ZNF521: variants seen among roughly 807,000 people sequenced by gnomAD.
ZNF521 encodes LYST-interacting protein 3.
In ZNF521, 14 loss-of-function variants were observed where a neutral mutation model predicts 105.5. The observed-to-expected ratio is 0.13, with a 90% CI of 0.09 to 0.21. The LOEUF (loss-of-function observed/expected upper bound fraction) is 0.21. ZNF521 is among the 10% of genes least tolerant of loss of function. The pLI is 1.00. For synonymous variants in ZNF521, 635 were observed against 606.0 expected (o/e 1.05, Z -0.70); for missense variants, 1,233 against 1,629.7 (o/e 0.76, Z 4.19).
intron 5 of ZNF521, among the ~76,000 whole-genome samples, chr18:25,158,112 T>C (rs1033320730): frequency 6.6e-6 from 1 of 152,194 alleles, no homozygotes; most frequent in African/African-American, 2.4e-5. Context: ...CAGTAGTACC[T>C]ATCTCATAGA....
intron 7 of ZNF521, among the ~76,000 whole-genome samples, chr18:25,075,017 G>A (rs2033325838): frequency 6.6e-6 from 1 of 152,116 alleles, no homozygotes; most frequent in African/African-American, 2.4e-5. Context: ...TATTTAACAT[G>A]ATCCTGAAAG....
At position 25,171,511 on chromosome 18, in the gene ZNF521, G is replaced by A. The variant is rs184463081; in HGVS notation, c.3658+23649C>T. ...AAGCCACTGTAAAGATTAGATTAGT[G>A]GTGACAGATTTATAATCTTTTCCAA... On this transcript the variant is annotated intron_variant, in intron 5 of 7. Coordinates refer to ENST00000361524, the MANE Select transcript of ZNF521 (RefSeq NM_015461.3). 3.9e-5 allele frequency among the ~76,000 whole-genome samples: 6 copies of A among 152,222 alleles called. No individual in the cohort carries two copies. The East Asian group carries it at 1.2e-3, about 29-fold the overall frequency.
chr18:25,172,976 TG>T (rs2035474090), intron 5 of ZNF521, among the ~76,000 whole-genome samples: 2 of 152,206 alleles, frequency 1.3e-5, no homozygotes, highest in Admixed American at 1.3e-4. Flanking sequence ...TGAAGTTGCA[TG>T]GTGCTTTTTA....
At position 25,225,429 on chromosome 18, in the gene ZNF521, T is replaced by C. The variant is rs998966290; in HGVS notation, c.2489A>G (p.Glu830Gly). ...CTTGGTTTCGAATACACAGTGTTTT[T>C]CTCGCAAGTGTTTTTCTAACAAAAT... Reference protein sequence around the residue: ...AIILLEKHLREKHCVFETKTP... With the variant: ...AIILLEKHLRGKHCVFETKTP... Residue 830 changes from glutamate to glycine, a missense_variant, in exon 4 of 8, where the codon GAA (glutamate) becomes GGA (glycine). Coordinates refer to ENST00000361524, the MANE Select transcript of ZNF521 (RefSeq NM_015461.3). The surrounding 1 kb of genome is among the most constrained non-coding windows in gnomAD (Gnocchi z 5.6). The C allele has an allele frequency of 6.2e-7, 1 of 1,614,102 alleles. No individual in the cohort carries two copies.
At chr18:25,235,652 G>C (rs1430155484) in intron 3 of ZNF521, among the ~76,000 whole-genome samples, 1 of 152,150 alleles carries the variant, frequency 6.6e-6, no homozygotes, top group Non-Finnish European at 1.5e-5. Context: ...CAGTCACCAG[G>C]AATTATAACA....
At chr18:25,087,254 A>G (rs2033643863) in intron 7 of ZNF521, among the ~76,000 whole-genome samples, 1 of 152,216 alleles carries the variant, frequency 6.6e-6, no homozygotes, top group Non-Finnish European at 1.5e-5. Context: ...CGTAGAAAAG[A>G]GTGAATACTA....
At chr18:25,165,512 G>A (rs1163792086) in intron 5 of ZNF521, among the ~76,000 whole-genome samples, 1 of 152,212 alleles carries the variant, frequency 6.6e-6, no homozygotes, top group East Asian at 1.9e-4. Context: ...CTGTCCCACA[G>A]CTCCTTCTCC....
chr18:25,255,875 A>G (rs1027000974), intron 3 of ZNF521, among the ~76,000 whole-genome samples: 2 of 151,754 alleles, frequency 1.3e-5, no homozygotes, highest in Non-Finnish European at 2.9e-5. Flanking sequence ...AAGAACCAAG[A>G]GGCAGAAGCA....
chr18:25,312,821 A>G (rs1171233491), intron 3 of ZNF521, among the ~76,000 whole-genome samples: 3 of 36,200 alleles, frequency 8.3e-5, no homozygotes, highest in Non-Finnish European at 1.3e-4. Flanking sequence ...CCGTCTCAAA[A>G]AAAAAAAAAA....
chr18:25,147,674 T>G (rs1201160156), intron 5 of ZNF521, among the ~76,000 whole-genome samples: 1 of 152,202 alleles, frequency 6.6e-6, no homozygotes, highest in African/African-American at 2.4e-5. Context: ...AAAAGAGGCC[T>G]ATATTCAGAG....
At chr18:25,215,018 T>C (rs1290000750) in intron 4 of ZNF521, among the ~76,000 whole-genome samples, 1 of 152,038 alleles carries the variant, frequency 6.6e-6, no homozygotes. Flanking sequence ...TTGGAGTTGA[T>C]TAAAGGGCTA....
chr18:25,302,926 C>T (rs909438416), intron 3 of ZNF521: 1 of 152,132 alleles, frequency 6.6e-6, no homozygotes, highest in Non-Finnish European at 1.5e-5. Context: ...AAATGTTACA[C>T]AATAATGTAA....
At chr18:25,220,756 G>A (rs1419854081) in intron 4 of ZNF521, among the ~76,000 whole-genome samples, 1 of 152,152 alleles carries the variant, frequency 6.6e-6, no homozygotes, top group Admixed American at 6.5e-5. Flanking sequence ...AGGGAAACTT[G>A]ACTAAGAAGC....
chr18:25,121,789 A>T (rs894617251), intron 5 of ZNF521, among the ~76,000 whole-genome samples: 3 of 152,064 alleles, frequency 2.0e-5, no homozygotes, highest in Admixed American at 2.0e-4. Flanking sequence ...CCCAAATATA[A>T]ATAAGGCCTC....
rs545845552 is a variant in ZNF521, at chr18:25,196,399, T to C, written c.3574-1155A>G. Among the ~76,000 whole-genome samples, 216 of 151,698 alleles carry C rather than the reference T, an allele frequency of 1.4e-3. 1 individual carries two copies. The highest frequency in any genetic ancestry group is 5.0e-3 in the African/African-American group (208 of 41,486). On this transcript the variant is annotated intron_variant, in intron 4 of 7. Transcript: ENST00000361524. ...ACAATCAATTTTAAGGAACTGAAGT[T>C]CTTTAGAACTGAACAAAACCAAAGT...
intron 3 of ZNF521, among the ~76,000 whole-genome samples, chr18:25,259,423 C>A (rs1908751453): frequency 1.3e-5 from 2 of 152,094 alleles, no homozygotes; most frequent in Non-Finnish European, 2.9e-5. Flanking sequence ...TTGCTTCAAT[C>A]CAACAAATAT....
intron 3 of ZNF521, among the ~76,000 whole-genome samples, chr18:25,261,866 C>G (rs539867289): frequency 1.3e-5 from 2 of 152,212 alleles, no homozygotes; most frequent in Non-Finnish European, 2.9e-5. Flanking sequence ...TTATTACCCA[C>G]CCCCTGCTGT....
At position 25,270,862 on chromosome 18, in the gene ZNF521, G is replaced by A. The variant is rs147303377; in HGVS notation, c.221-43165C>T. 9.6e-3 allele frequency among the ~76,000 whole-genome samples: 1,460 copies of A among 152,156 alleles called. 23 individuals are homozygous for A. The highest frequency in any genetic ancestry group is 0.032 in the African/African-American group (1,348 of 41,508). On this transcript the variant is annotated intron_variant, in intron 3 of 7. Coordinates refer to ENST00000361524, the MANE Select transcript of ZNF521 (RefSeq NM_015461.3). ...ACTGGAAGCATTCCCTTTGAAAACC[G>A]GCACAACACAAGGATGCCCTCTCAC... is the stretch of plus-strand genomic sequence containing the variant.
intron 7 of ZNF521, among the ~76,000 whole-genome samples, chr18:25,078,836 T>TC (rs1488525050): frequency 6.6e-6 from 1 of 152,190 alleles, no homozygotes; most frequent in African/African-American, 2.4e-5. Context: ...CCTCTGCATG[T>TC]CCCATCACCT....
Sources: allele counts gnomAD v4.1 joint callset (sites outside exome capture counted in the v4.1 genomes callset), GRCh38; gene constraint gnomAD v4.1.1; non-coding constraint Gnocchi (gnomAD v3.1); transcripts MANE v1.5; gene names NCBI Gene and HGNC (gene_info 2026-07-23, HGNC 2026-07-21).